Variants in CEP350 observed in about 807,000 individuals in gnomAD.
CEP350 encodes centrosomal protein 350.
Under a neutral mutation model 331.8 loss-of-function variants are expected in CEP350, and 126 were observed. That is an observed-to-expected ratio of 0.38 (90% CI 0.33 to 0.44). CEP350 has a LOEUF of 0.44. Among genes scored for constraint, CEP350 ranks in the 20% least tolerant of loss-of-function variants. The probability of loss-of-function intolerance (pLI) is 1.00; values close to 1 mark genes in which losing one functional copy is unlikely to be tolerated. For synonymous variants in CEP350, 1,200 were observed against 1,259.5 expected (o/e 0.95, Z 1.00); for missense variants, 3,406 against 3,634.6 (o/e 0.94, Z 1.62).
intron 16 of CEP350, among the ~76,000 whole-genome samples, chr1:180,034,752 C>T (rs760979513): frequency 3.9e-5 from 6 of 152,128 alleles, no homozygotes; most frequent in South Asian, 2.1e-4. Flanking sequence ...GTTCTGACTG[C>T]TCCACCAACT....
intron 17 of CEP350, among the ~76,000 whole-genome samples, chr1:180,037,906 C>T (rs918872817): frequency 2.6e-5 from 4 of 152,282 alleles, no homozygotes; most frequent in South Asian, 2.1e-4. Flanking sequence ...GCCTCGGCCT[C>T]CCAAAGTGCT....
chr1:180,067,504 A>G (rs1658612517), intron 27 of CEP350, among the ~76,000 whole-genome samples: 1 of 152,200 alleles, frequency 6.6e-6, no homozygotes, highest in Non-Finnish European at 1.5e-5. Context: ...ACCATGGCCA[A>G]CATGGTGAAA....
intron 8 of CEP350, among the ~76,000 whole-genome samples, chr1:180,010,381 C>T: frequency 6.9e-6 from 1 of 145,574 alleles, no homozygotes. Flanking sequence ...TGTTGGGGTC[C>T]CTGACACATA....
chr1:180,003,772 G>A (rs1373333408), intron 7 of CEP350, among the ~76,000 whole-genome samples: 1 of 152,126 alleles, frequency 6.6e-6, no homozygotes. Flanking sequence ...TACTAATAAT[G>A]GTACTACCTA....
rs1470102796 is a variant in CEP350, at chr1:180,076,173, C to T, written c.5767+952C>T. Among the ~76,000 whole-genome samples the T allele has an allele frequency of 3.3e-5, 5 of 151,664 alleles. No homozygotes were observed. The East Asian group carries it at 5.8e-4, about 18-fold the overall frequency. ...CTTTACCAGTATACTAGATTAAAGG[C>T]GGCAGTTGGGGGAAAACCTGGTATT... On this transcript the variant is annotated intron_variant, in intron 28 of 37. Transcript: ENST00000367607.
At chr1:180,055,177 G>A (rs1277412631) in intron 25 of CEP350, among the ~76,000 whole-genome samples, 1 of 152,162 alleles carries the variant, frequency 6.6e-6, no homozygotes, top group African/African-American at 2.4e-5. Flanking sequence ...AATGGTAAGT[G>A]CTCAATAAAT....
At chr1:180,109,569 C>T (rs1158113886) in intron 37 of CEP350, among the ~76,000 whole-genome samples, 1 of 152,190 alleles carries the variant, frequency 6.6e-6, no homozygotes, top group Non-Finnish European at 1.5e-5. Flanking sequence ...TCAGGGTTCA[C>T]TTCCTTATCT....
At position 180,111,288 on chromosome 1, in the gene CEP350, A is replaced by G. The variant is rs1661458038; in HGVS notation, c.*127A>G. 8.9e-7 allele frequency: 1 copy of G among 1,128,922 alleles called. No individual in the cohort carries two copies. Among genetic ancestry groups the G allele is most frequent in the Non-Finnish European group, 1.2e-6 (1 of 801,060 alleles). 69.9% of individuals were successfully genotyped at this position (1,128,922 alleles called of 1,614,324 possible). A position where few individuals can be genotyped will look rare whatever the true frequency, so the allele number is the denominator to read the frequency against. On this transcript the variant is annotated 3_prime_UTR_variant, in exon 38 of 38. Transcript: ENST00000367607. ...CTTGTACTTATTCTTAAAGACTACC[A>G]GTATGGAGTTCATAGGACAATGTGG...
intron 5 of CEP350, among the ~76,000 whole-genome samples, chr1:179,992,520 C>T (rs1286718721): frequency 6.6e-6 from 1 of 152,140 alleles, no homozygotes; most frequent in Non-Finnish European, 1.5e-5. Context: ...ATTATTCCAT[C>T]TCTGGAAGTG....
chr1:180,080,894 G>A (rs1023218385), intron 30 of CEP350, among the ~76,000 whole-genome samples: 3 of 151,984 alleles, frequency 2.0e-5, no homozygotes, highest in Non-Finnish European at 4.4e-5. Context: ...GAGTCTCACT[G>A]TGTCACTCAG....
intron 37 of CEP350, among the ~76,000 whole-genome samples, chr1:180,105,127 A>G (rs1026556562): frequency 1.3e-5 from 2 of 151,938 alleles, no homozygotes; most frequent in African/African-American, 4.8e-5. Flanking sequence ...TTGGATTAAT[A>G]AACCCAGTGG....
chr1:180,048,797 G>A lies in CEP350; in HGVS notation c.4792+92G>A, dbSNP rs1281541781. ...ATAAAGTGGCAAATAAGCTGGATGT[G>A]GTGGCTCATGCCAGTAATTCCAGCA... On this transcript the variant is annotated intron_variant, in intron 22 of 37. Coordinates refer to ENST00000367607, the MANE Select transcript of CEP350 (RefSeq NM_014810.5). The A allele has an allele frequency of 1.9e-5, 18 of 970,364 alleles. 1 individual carries two copies. In the South Asian group the frequency reaches 2.7e-4, roughly 15 times the overall value. 60.1% of individuals were successfully genotyped at this position (970,364 alleles called of 1,614,324 possible).
At chr1:179,968,718 C>G in intron 1 of CEP350, 1 of 578,404 alleles carries the variant, frequency 1.7e-6, no homozygotes, top group South Asian at 1.4e-5. Flanking sequence ...GAGGAACCCA[C>G]TTAGATGGCA....
At position 180,095,737 on chromosome 1, in the gene CEP350, C is replaced by T. The variant is rs770355081; in HGVS notation, c.8726C>T (p.Pro2909Leu). 2.5e-6 allele frequency: 4 copies of T among 1,613,828 alleles called. No homozygotes were observed. The highest frequency in any genetic ancestry group is 3.4e-6 in the Non-Finnish European group (4 of 1,179,900). ...GAACCTAAAAGAGTAACCCAACAAC[C>T]ATGTGAAACATTATTGGCAGTCCCC... ...MAEPKRVTQQ[P>L]CETLLAVPHT... Residue 2909 changes from proline to leucine, a missense_variant, in exon 35 of 38, where the codon CCA becomes CTA. Coordinates refer to ENST00000367607, the MANE Select transcript of CEP350 (RefSeq NM_014810.5).
intron 25 of CEP350, among the ~76,000 whole-genome samples, chr1:180,060,402 G>T (rs1438924331): frequency 6.6e-6 from 1 of 152,202 alleles, no homozygotes; most frequent in Non-Finnish European, 1.5e-5. Flanking sequence ...TAATCCCAGT[G>T]CTTTGGGAGG....
Position 180,111,301 on chromosome 1 carries a change from T to C in CEP350, c.*140T>C, listed in dbSNP as rs1426054718. 7.1e-6 allele frequency: 7 copies of C among 985,870 alleles called. No homozygotes were observed. In the East Asian group the frequency reaches 1.1e-4, roughly 15 times the overall value. The allele number at this position is 985,870 out of a possible 1,614,324, so 61.1% of individuals were successfully genotyped here. A position where few individuals can be genotyped will look rare whatever the true frequency, so the allele number is the denominator to read the frequency against. ...TTAAAGACTACCAGTATGGAGTTCA[T>C]AGGACAATGTGGTACACCTGGTATT... On this transcript the variant is annotated 3_prime_UTR_variant, in exon 38 of 38. Transcript: ENST00000367607.
chr1:180,114,853 A>G lies in CEP350; in HGVS notation c.*3692A>G, dbSNP rs962026594. 1 of 152,706 alleles carries G rather than the reference A, an allele frequency of 6.5e-6. No individual in the cohort carries two copies. The highest frequency in any genetic ancestry group is 2.4e-5 in the African/African-American group (1 of 41,468). The allele number at this position is 152,706 out of a possible 1,614,324, so 9.5% of individuals were successfully genotyped here. A position where few individuals can be genotyped will look rare whatever the true frequency, so the allele number is the denominator to read the frequency against. Reference sequence around the variant, plus strand: ...ATACTTTAAGAAAGATAAAATCTGTAAATAAACTGATTTATAAATTAATTT... The same window carrying G: ...ATACTTTAAGAAAGATAAAATCTGTGAATAAACTGATTTATAAATTAATTT... On this transcript the variant is annotated 3_prime_UTR_variant, in exon 38 of 38. Coordinates refer to ENST00000367607, the MANE Select transcript of CEP350 (RefSeq NM_014810.5).
At chr1:180,046,403 G>A (rs898655716) in intron 21 of CEP350, among the ~76,000 whole-genome samples, 1 of 152,140 alleles carries the variant, frequency 6.6e-6, no homozygotes, top group African/African-American at 2.4e-5. Context: ...GCATGTTGTA[G>A]CATGTATCAC....
intron 1 of CEP350, among the ~76,000 whole-genome samples, chr1:179,985,730 A>G (rs1652600055): frequency 1.3e-5 from 2 of 149,634 alleles, no homozygotes; most frequent in Non-Finnish European, 3.0e-5. Context: ...CACGAGACTC[A>G]CTTATTATCA....
Sources: gnomAD v4.1 joint callset for allele counts (sites outside exome capture counted in the v4.1 genomes callset) on GRCh38, gnomAD v4.1.1 for gene constraint, MANE v1.5 for transcripts, NCBI Gene and HGNC (gene_info 2026-07-23, HGNC 2026-07-21) for gene names.